Variants in MAPK9 observed in about 807,000 individuals in gnomAD.
MAPK9 encodes the protein Jun kinase.
A neutral mutation model predicts 57.1 loss-of-function variants in MAPK9; 30 were observed. That is an observed-to-expected ratio of 0.53 (90% CI 0.39 to 0.71). The LOEUF is 0.71. Among genes scored for constraint, MAPK9 ranks in the 30% least tolerant of loss-of-function variants. The pLI, the probability that MAPK9 is intolerant of heterozygous loss-of-function variation, is 0.00. For missense variants in MAPK9, 362 were observed against 521.0 expected (o/e 0.69, Z 2.97); for synonymous variants, 155 against 177.0 (o/e 0.88, Z 0.99).
intron 5 of MAPK9, among the ~76,000 whole-genome samples, chr5:180,249,373 T>C (rs535788653): frequency 4.1e-4 from 63 of 152,308 alleles, no homozygotes; most frequent in East Asian, 1.9e-4. Context: ...CCATTTGCCC[T>C]TTCTGTGGTC....
Position 180,280,509 on chromosome 5 carries a change from G to A in MAPK9, c.53C>T (p.Ser18Leu). 2 of 1,614,204 alleles carry A rather than the reference G, an allele frequency of 1.2e-6. No individual in the cohort carries two copies. The highest frequency in any genetic ancestry group is 1.7e-6 in the Non-Finnish European group (2 of 1,180,022). The part of the protein sequence containing the change: ...SQFYSVQVAD[S>L]TFTVLKRYQQ... ...GTAACGTTTTAGGACAGTGAAGGTT[G>A]AGTCTGCCACTTGCACACTATAAAA... is the stretch of plus-strand genomic sequence containing the variant. The change falls in exon 2 of 12, where the codon TCA becomes TTA. Residue 18 changes from serine to leucine, a missense_variant. Physicochemically the swap from Ser to Leu is moderately radical, Grantham distance 145. Transcript: ENST00000452135.
intron 11 of MAPK9, chr5:180,237,250 C>T (rs909168338): frequency 5.9e-5 from 9 of 152,316 alleles, no homozygotes; most frequent in African/African-American, 2.2e-4. Context: ...TCTCTAGATG[C>T]TTGACACATA....
chr5:180,235,174 G>GT lies in MAPK9; in HGVS notation c.*1209dup, dbSNP rs1226272420. ...CAATAGTTAATCATGACTCTTCAGGGTATTTCCTTCACGTCCTCTGAAGAG... is the reference window on the plus strand; with the variant it reads ...CAATAGTTAATCATGACTCTTCAGGGTTATTTCCTTCACGTCCTCTGAAGAG... On this transcript the variant is annotated 3_prime_UTR_variant, in exon 12 of 12. Coordinates refer to ENST00000452135, the MANE Select transcript of MAPK9 (RefSeq NM_002752.5). 1 of 152,202 alleles carries GT rather than the reference G, an allele frequency of 6.6e-6. No homozygotes were observed. Among genetic ancestry groups the GT allele is most frequent in the East Asian group, 1.9e-4 (1 of 5,198 alleles). 9.4% of individuals were successfully genotyped at this position (152,202 alleles called of 1,614,324 possible). A position where few individuals can be genotyped will look rare whatever the true frequency, so the allele number is the denominator to read the frequency against.
intron 2 of MAPK9, among the ~76,000 whole-genome samples, chr5:180,270,171 A>G (rs962481581): frequency 6.6e-6 from 1 of 152,178 alleles, no homozygotes; most frequent in Non-Finnish European, 1.5e-5. Context: ...CCTCTGGGCT[A>G]CTCATGAGGG....
At chr5:180,251,573 C>T (rs114455258) in intron 5 of MAPK9, among the ~76,000 whole-genome samples, 258 of 152,258 alleles carry the variant, frequency 1.7e-3, no homozygotes, top group African/African-American at 6.0e-3. Flanking sequence ...GTGCTCTCCC[C>T]GCACCCTGGG....
chr5:180,271,486 G>A (rs971962202), intron 2 of MAPK9, among the ~76,000 whole-genome samples: 4 of 152,058 alleles, frequency 2.6e-5, no homozygotes, highest in Non-Finnish European at 5.9e-5. Context: ...CCCTGGTTAC[G>A]TCTTTAAGTA....
intron 2 of MAPK9, among the ~76,000 whole-genome samples, chr5:180,276,454 T>C (rs1177025276): frequency 6.6e-6 from 1 of 152,228 alleles, no homozygotes; most frequent in Non-Finnish European, 1.5e-5. Context: ...AATATATGTA[T>C]GAAAGAAATG....
intron 11 of MAPK9, chr5:180,237,060 A>G (rs1757229858): frequency 1.3e-5 from 2 of 152,282 alleles, no homozygotes; most frequent in African/African-American, 2.4e-5. Flanking sequence ...TTATGGTTTT[A>G]TAACTCCAGA....
chr5:180,258,567 T>C (rs974974655), intron 5 of MAPK9, among the ~76,000 whole-genome samples: 5 of 151,956 alleles, frequency 3.3e-5, no homozygotes, highest in Non-Finnish European at 7.4e-5. Context: ...CCTATAACTG[T>C]AAAAAATGTG....
chr5:180,259,971 T>C (rs898504300), intron 5 of MAPK9, among the ~76,000 whole-genome samples: 1 of 152,234 alleles, frequency 6.6e-6, no homozygotes, highest in Non-Finnish European at 1.5e-5. Flanking sequence ...GAAATTATAC[T>C]GGAGGAAAAC....
At chr5:180,252,382 C>G (rs1392392553) in intron 5 of MAPK9, among the ~76,000 whole-genome samples, 1 of 152,128 alleles carries the variant, frequency 6.6e-6, no homozygotes, top group Non-Finnish European at 1.5e-5. Flanking sequence ...AAGCCTGTGG[C>G]CGTCTGGGGT....
At chr5:180,241,245 A>C (rs1314946209) in intron 8 of MAPK9, 90 bp from the exon 9 acceptor site, 1 of 1,226,694 alleles carries the variant, frequency 8.2e-7, no homozygotes. Context: ...ACACAGATAG[A>C]ACAAAGATAT....
rs894180444 is a variant in MAPK9 at position 180,234,115 on chromosome 5, G to A, written c.*2269C>T. 1.3e-5 allele frequency: 2 copies of A among 152,160 alleles called. No homozygotes were observed. The highest frequency in any genetic ancestry group is 2.9e-5 in the Non-Finnish European group (2 of 68,032). The allele number at this position is 152,160 out of a possible 1,614,324, so 9.4% of individuals were successfully genotyped here. A position where few individuals can be genotyped will look rare whatever the true frequency, so the allele number is the denominator to read the frequency against. ...ACCTAGTCTAAATTCCAGGATAATAGTAAATTACCTGGTTTATAAAAATAC... is the reference window on the plus strand; with the variant it reads ...ACCTAGTCTAAATTCCAGGATAATAATAAATTACCTGGTTTATAAAAATAC... On this transcript the variant is annotated 3_prime_UTR_variant, in exon 12 of 12. Coordinates refer to ENST00000452135, the MANE Select transcript of MAPK9 (RefSeq NM_002752.5).
Position 180,238,396 on chromosome 5 carries a change from A to T in MAPK9, c.1068T>A (p.Ile356=). 1 of 1,606,672 alleles carries T rather than the reference A, an allele frequency of 6.2e-7. No homozygotes were observed. The highest frequency in any genetic ancestry group is 8.5e-7 in the Non-Finnish European group (1 of 1,173,530). ...EHAIEEWKEL[I]YKEVMDWEER... ...CTTCCCAATCCATGACTTCTTTGTA[A>T]ATTAGCTCTTTAATAAAAATACAAG... Residue 356 remains isoleucine, a synonymous_variant, in exon 11 of 12, where the codon ATT becomes ATA. Coordinates refer to ENST00000452135, the MANE Select transcript of MAPK9 (RefSeq NM_002752.5).
chr5:180,278,455 A>C (rs190360362), intron 2 of MAPK9, among the ~76,000 whole-genome samples: 3 of 152,356 alleles, frequency 2.0e-5, no homozygotes, highest in Admixed American at 2.0e-4. Context: ...TAATCCCAGC[A>C]CTTTGGGAGG....
chr5:180,290,812 T>C (rs1291058877), intron 1 of MAPK9, among the ~76,000 whole-genome samples: 1 of 152,262 alleles, frequency 6.6e-6, no homozygotes, highest in Non-Finnish European at 1.5e-5. Flanking sequence ...ATTGAGCTGA[T>C]ACTACTGAAT....
At position 180,261,863 on chromosome 5, in the gene MAPK9, A is replaced by T. The variant is rs376659416; in HGVS notation, c.312-41T>A. Reference sequence around the variant, plus strand: ...TCAGTTATTTATTTGAAAATTATCCAAAGTTCCTTTATGACTAAATTTCAT... The same window carrying T: ...TCAGTTATTTATTTGAAAATTATCCTAAGTTCCTTTATGACTAAATTTCAT... On this transcript the variant is annotated intron_variant, in intron 4 of 11. Coordinates refer to ENST00000452135, the MANE Select transcript of MAPK9 (RefSeq NM_002752.5). The T allele has an allele frequency of 4.5e-6, 7 of 1,556,310 alleles. No individual in the cohort carries two copies. The African/African-American group carries it at 8.2e-5, about 18-fold the overall frequency.
chr5:180,257,537 G>T (rs930764053), intron 5 of MAPK9: 2 of 152,224 alleles, frequency 1.3e-5, no homozygotes, highest in Non-Finnish European at 2.9e-5. Context: ...TATTATCTCT[G>T]CCTCTAGTCT....
At chr5:180,283,868 G>C (rs959758871) in intron 1 of MAPK9, among the ~76,000 whole-genome samples, 4 of 152,194 alleles carry the variant, frequency 2.6e-5, no homozygotes, top group African/African-American at 9.7e-5. Flanking sequence ...CCGGGAGGTG[G>C]AGATTGCAGT....
Sources: allele counts gnomAD v4.1 joint callset (sites outside exome capture counted in the v4.1 genomes callset), GRCh38; gene constraint gnomAD v4.1.1; transcripts MANE v1.5; gene names NCBI Gene and HGNC (gene_info 2026-07-23, HGNC 2026-07-21).